Variants in RYR3 observed in about 807,000 individuals in gnomAD.
RYR3 encodes the protein ryanodine receptor 3.
RYR3 carries 207 observed loss-of-function variants against 584.3 expected under a neutral mutation model. The ratio of observed to expected loss-of-function variants is 0.35; its 90% CI spans 0.32 to 0.40. RYR3 has a LOEUF of 0.40. Among genes scored for constraint, RYR3 ranks in the 10% least tolerant of loss-of-function variants. The pLI, the probability that RYR3 is intolerant of heterozygous loss-of-function variation, is 1.00. For synonymous variants in RYR3, 2,416 were observed against 2,248.5 expected (o/e 1.07, Z -2.11); for missense variants, 5,616 against 6,089.2 (o/e 0.92, Z 2.59).
rs769449037 is a variant in RYR3, at chr15:33,750,286, G to A, written c.8399G>A (p.Arg2800Lys). Reference sequence around the variant, plus strand: ...CAAGTGAATGGCATCATAGTTTCCAGGTAAGTCACCTTCCATGTGATGCTA... The same window carrying A: ...CAAGTGAATGGCATCATAGTTTCCAAGTAAGTCACCTTCCATGTGATGCTA... ...FLQVNGIIVS[R>K]GMKDMELDAS... The change falls in exon 57 of 104, where the codon AGG (arginine) becomes AAG (lysine). Residue 2800 changes from arginine (R) to lysine (K), a missense_variant and splice_region_variant. Coordinates refer to ENST00000634891, the MANE Select transcript of RYR3 (RefSeq NM_001036.6). The A allele has an allele frequency of 8.1e-6, 13 of 1,610,434 alleles. No individual in the cohort carries two copies. Among genetic ancestry groups the A allele is most frequent in the African/African-American group, 5.3e-5 (4 of 74,880 alleles).
intron 1 of RYR3, among the ~76,000 whole-genome samples, chr15:33,423,260 C>T (rs2044364685): frequency 6.6e-6 from 1 of 152,122 alleles, no homozygotes; most frequent in South Asian, 2.1e-4. Context: ...TAATATTTGT[C>T]TTTCTGTGTC....
intron 1 of RYR3, among the ~76,000 whole-genome samples, chr15:33,352,513 G>A (rs1973419207): frequency 6.6e-6 from 1 of 152,088 alleles, no homozygotes; most frequent in Non-Finnish European, 1.5e-5. Flanking sequence ...GTCTGCCCTT[G>A]TTGACTTAAC....
At chr15:33,414,778 G>T (rs2043674637) in intron 1 of RYR3, among the ~76,000 whole-genome samples, 1 of 152,056 alleles carries the variant, frequency 6.6e-6, no homozygotes, top group South Asian at 2.1e-4. Flanking sequence ...ATTTTTAGTA[G>T]AGACAGGGTT....
chr15:33,838,272 T>C lies in RYR3; in HGVS notation c.12292T>C (p.Leu4098=), dbSNP rs368521752. The change falls in exon 89 of 104, where the codon TTA becomes CTA. Residue 4098 remains leucine (L), a synonymous_variant. Coordinates refer to ENST00000634891, the MANE Select transcript of RYR3 (RefSeq NM_001036.6). ...TGAGGACACCATCTTTGAAATGCAGTTAGCATCTCAGATCTCTGAATCCGA... is the reference window on the plus strand; with the variant it reads ...TGAGGACACCATCTTTGAAATGCAGCTAGCATCTCAGATCTCTGAATCCGA... ...FCEDTIFEMQ[L]ASQISESDSA... The C allele has an allele frequency of 1.2e-5, 19 of 1,613,884 alleles. No individual in the cohort carries two copies. The highest frequency in any genetic ancestry group is 3.3e-5 in the Admixed American group (2 of 60,016).
chr15:33,557,412 G>C (rs2057137401), intron 10 of RYR3, among the ~76,000 whole-genome samples: 1 of 152,136 alleles, frequency 6.6e-6, no homozygotes, highest in Non-Finnish European at 1.5e-5. Context: ...TTGAGACGGA[G>C]TCTCGCTCAA....
In RYR3 at chr15:33,800,789, C is replaced by T. The variant is rs1227387500; in HGVS notation, c.9850C>T (p.Pro3284Ser). The T allele has an allele frequency of 1.9e-6, 3 of 1,613,490 alleles. No homozygotes were observed. In the Admixed American group the frequency reaches 5.0e-5, roughly 27 times the overall value. The change falls in exon 68 of 104, where the codon CCT (proline) becomes TCT (serine). Residue 3284 changes from proline to serine, a missense_variant. By Grantham distance (74) the Pro-to-Ser change is moderately conservative (BLOSUM62 -1). Transcript: ENST00000634891. Reference sequence around the variant, plus strand: ...ACCCAGATCTAACTGGCTGAAAAGTCCTGATGCTGATTCTGACCAGCTCTT... The same window carrying T: ...ACCCAGATCTAACTGGCTGAAAAGTTCTGATGCTGATTCTGACCAGCTCTT... Reference protein sequence around the residue: ...DNNRSNWLKSPDADSDQLFRM... With the variant: ...DNNRSNWLKSSDADSDQLFRM...
intron 19 of RYR3, among the ~76,000 whole-genome samples, chr15:33,617,254 A>G (rs914163082): frequency 3.3e-5 from 5 of 152,090 alleles, no homozygotes; most frequent in Non-Finnish European, 7.4e-5. Context: ...CTCACTAAAA[A>G]TACAAAAATT....
intron 1 of RYR3, among the ~76,000 whole-genome samples, chr15:33,323,014 G>A (rs866717574): frequency 1.7e-4 from 26 of 151,416 alleles, no homozygotes; most frequent in African/African-American, 5.8e-4. Context: ...TTCTGAATTT[G>A]TCATTTATGT....
At chr15:33,599,133 G>A (rs1392680010) in intron 16 of RYR3, among the ~76,000 whole-genome samples, 1 of 152,068 alleles carries the variant, frequency 6.6e-6, no homozygotes, top group Non-Finnish European at 1.5e-5. Flanking sequence ...ATTCTCTGGA[G>A]GGAGTACTCT....
At chr15:33,347,117 TG>T (rs1972554690) in intron 1 of RYR3, among the ~76,000 whole-genome samples, 1 of 152,170 alleles carries the variant, frequency 6.6e-6, no homozygotes, top group African/African-American at 2.4e-5. Flanking sequence ...GTGCTGACCT[TG>T]ATCACCTGGC....
At chr15:33,444,310 A>G (rs2046447665) in intron 1 of RYR3, among the ~76,000 whole-genome samples, 2 of 152,156 alleles carry the variant, frequency 1.3e-5, no homozygotes. Context: ...TTGCATTTTA[A>G]TTTGCTTTCT....
intron 52 of RYR3, among the ~76,000 whole-genome samples, chr15:33,743,633 G>T (rs927435415): frequency 2.0e-5 from 3 of 152,194 alleles, no homozygotes; most frequent in African/African-American, 7.2e-5. Flanking sequence ...ACCTCCAGGA[G>T]CCCACAGCAT....
chr15:33,773,818 G>A (rs576851472), intron 64 of RYR3, among the ~76,000 whole-genome samples: 1 of 152,204 alleles, frequency 6.6e-6, no homozygotes, highest in African/African-American at 2.4e-5. Context: ...TATGACTCCC[G>A]TGGAGATAGC....
At chr15:33,562,133 A>G (rs1004885366) in intron 10 of RYR3, among the ~76,000 whole-genome samples, 2 of 152,184 alleles carry the variant, frequency 1.3e-5, no homozygotes, top group Non-Finnish European at 2.9e-5. Context: ...ACCTCATGAC[A>G]CGCTATTGTG....
chr15:33,672,745 G>A (rs1340256757), intron 38 of RYR3, among the ~76,000 whole-genome samples: 2 of 152,110 alleles, frequency 1.3e-5, no homozygotes, highest in East Asian at 3.8e-4. Flanking sequence ...TATTACCCTT[G>A]CATTTGATGA....
chr15:33,399,332 C>T (rs989919044), intron 1 of RYR3, among the ~76,000 whole-genome samples: 2 of 152,142 alleles, frequency 1.3e-5, no homozygotes, highest in Admixed American at 6.5e-5. Context: ...GCTCTCTTCT[C>T]CTAAATTAAA....
At chr15:33,807,527 GTTTCT>G (rs1460953193) in intron 69 of RYR3, 23 bp from the exon 70 acceptor site, 21 of 1,551,402 alleles carry the variant, frequency 1.4e-5, no homozygotes, top group Middle Eastern at 1.7e-4. Context: ...TCTTCTCCTT[GTTTCT>G]TTTCTTTTGT....
At chr15:33,795,885 G>A in intron 67 of RYR3, among the ~76,000 whole-genome samples, 1 of 152,226 alleles carries the variant, frequency 6.6e-6, no homozygotes, top group South Asian at 2.1e-4. Flanking sequence ...CTTCCTAGGA[G>A]TCAGAAATAT....
At position 33,412,263 on chromosome 15, in the gene RYR3, G is replaced by C. The variant is rs1024828173; in HGVS notation, c.52-61156G>C. Among the ~76,000 whole-genome samples, 9 of 152,144 alleles carry C rather than the reference G, an allele frequency of 5.9e-5. No individual in the cohort carries two copies. Among genetic ancestry groups the C allele is most frequent in the African/African-American group, 2.2e-4 (9 of 41,422 alleles). On this transcript the variant is annotated intron_variant, in intron 1 of 103. Coordinates refer to ENST00000634891, the MANE Select transcript of RYR3 (RefSeq NM_001036.6). The surrounding 1 kb of genome is among the most constrained non-coding windows in gnomAD (Gnocchi z 4.3). Reference sequence around the variant, plus strand: ...TTCAATTTAGTAACCCCTTTGGCTTGAGGCTGGGAAGGCCATGGGTTGTTC... The same window carrying C: ...TTCAATTTAGTAACCCCTTTGGCTTCAGGCTGGGAAGGCCATGGGTTGTTC...
Sources: allele counts gnomAD v4.1 joint callset (sites outside exome capture counted in the v4.1 genomes callset), GRCh38; gene constraint gnomAD v4.1.1; non-coding constraint Gnocchi (gnomAD v3.1); transcripts MANE v1.5; gene names NCBI Gene and HGNC (gene_info 2026-07-23, HGNC 2026-07-21).